Variants in AHR observed in about 807,000 individuals in gnomAD.
AHR encodes AH-receptor.
AHR carries 40 observed loss-of-function variants against 86.8 expected under a neutral mutation model. That is an observed-to-expected ratio of 0.46 (90% CI 0.36 to 0.60). The LOEUF (loss-of-function observed/expected upper bound fraction) is 0.60. Among genes scored for constraint, AHR ranks in the 20% least tolerant of loss-of-function variants. The pLI is 0.00. For missense variants in AHR, 1,001 were observed against 1,011.6 expected (o/e 0.99, Z 0.14); for synonymous variants, 398 against 354.9 (o/e 1.12, Z -1.37).
At chr7:17,325,921 C>A (rs1164568864) in intron 3 of AHR, among the ~76,000 whole-genome samples, 1 of 152,124 alleles carries the variant, frequency 6.6e-6, no homozygotes, top group Admixed American at 6.6e-5. Context: ...ATGTAACAAA[C>A]CTGCACTTGT....
rs1330303234 is a variant in AHR at position 17,342,916 on chromosome 7, T to G, written c.2404-5T>G. 1 of 1,610,946 alleles carries G rather than the reference T, an allele frequency of 6.2e-7. No homozygotes were observed. The highest frequency in any genetic ancestry group is 2.2e-5 in the East Asian group (1 of 44,770). ...AATAAGTTGCATCACCATTTTTGTT[T>G]TCAGTTTCAGAATGGAGTTTTAAAT... On this transcript the variant is annotated splice_region_variant and splice_polypyrimidine_tract_variant and intron_variant, in intron 10 of 10. Coordinates refer to ENST00000242057, the MANE Select transcript of AHR (RefSeq NM_001621.5).
At chr7:17,327,722 G>T in intron 3 of AHR, 37 bp from the exon 4 acceptor site, 1 of 1,184,894 alleles carries the variant, frequency 8.4e-7, no homozygotes, top group Admixed American at 1.9e-5. Flanking sequence ...TCAATATTAA[G>T]TCATATTACT....
At position 17,310,126 on chromosome 7, in the gene AHR, A is replaced by G. The variant is rs1414306725; in HGVS notation, c.253+3A>G. On this transcript the variant is annotated splice_donor_region_variant and intron_variant, in intron 2 of 10. Transcript: ENST00000242057. ...GAGAGCCAAGAGCTTCTTTGATGGT[A>G]AGACAGAAGGGTTTAATTTGTCTAC... The G allele has an allele frequency of 6.2e-7, 1 of 1,612,076 alleles. No homozygotes were observed. Among genetic ancestry groups the G allele is most frequent in the South Asian group, 1.1e-5 (1 of 90,990 alleles).
At chr7:17,320,638 G>C (rs1289471458) in intron 2 of AHR, among the ~76,000 whole-genome samples, 1 of 152,020 alleles carries the variant, frequency 6.6e-6, no homozygotes, top group Admixed American at 6.6e-5. Context: ...TGACTCTGAC[G>C]TTGTATGGTT....
intron 6 of AHR, 122 bp downstream of exon 6, chr7:17,331,008 A>T (rs1782282881): frequency 1.7e-5 from 18 of 1,062,530 alleles, no homozygotes; most frequent in Non-Finnish European, 2.3e-5. Flanking sequence ...AACCCTCAGA[A>T]CCAGAGAGCT....
intron 1 of AHR, among the ~76,000 whole-genome samples, chr7:17,303,078 A>G (rs1050537747): frequency 6.6e-6 from 1 of 152,058 alleles, no homozygotes; most frequent in African/African-American, 2.4e-5. Context: ...TTACAACAGT[A>G]CCTTTCTACT....
At chr7:17,334,783 A>G (rs1782337504) in intron 7 of AHR, 104 bp from the exon 8 acceptor site, 2 of 739,124 alleles carry the variant, frequency 2.7e-6, no homozygotes, top group East Asian at 5.4e-5. Context: ...TGTGAACTAA[A>G]ACATATTGCA....
intron 2 of AHR, among the ~76,000 whole-genome samples, chr7:17,318,664 T>A (rs1782139966): frequency 6.6e-6 from 1 of 152,050 alleles, no homozygotes; most frequent in Non-Finnish European, 1.5e-5. Flanking sequence ...GATACTACAT[T>A]TTGTTTCTGT....
At position 17,298,938 on chromosome 7, in the gene AHR, G is replaced by A. The variant is rs892267585; in HGVS notation, c.-327G>A. On this transcript the variant is annotated 5_prime_UTR_variant, in exon 1 of 11. Coordinates refer to ENST00000242057, the MANE Select transcript of AHR (RefSeq NM_001621.5). ...GACGGCCCAGGCTCCTCCTCCGCCC[G>A]GGCCGCCTCACCTGCGGGCATTGCC... The A allele has an allele frequency of 4.6e-6, 2 of 431,338 alleles. No individual in the cohort carries two copies. Among genetic ancestry groups the A allele is most frequent in the Non-Finnish European group, 8.1e-6 (2 of 247,318 alleles). 26.7% of individuals were successfully genotyped at this position (431,338 alleles called of 1,614,324 possible). A position where few individuals can be genotyped will look rare whatever the true frequency, so the allele number is the denominator to read the frequency against.
chr7:17,299,070 G>C lies in AHR; in HGVS notation c.-195G>C. Reference sequence around the variant, plus strand: ...GCCCAGGCAGCTCACCTGTACTGGCGCGGGCTGCGGAAGCCTGCGTGAGCC... The same window carrying C: ...GCCCAGGCAGCTCACCTGTACTGGCCCGGGCTGCGGAAGCCTGCGTGAGCC... On this transcript the variant is annotated 5_prime_UTR_variant, in exon 1 of 11. Coordinates refer to ENST00000242057, the MANE Select transcript of AHR (RefSeq NM_001621.5). 1 of 561,546 alleles carries C rather than the reference G, an allele frequency of 1.8e-6. No homozygotes were observed. The highest frequency in any genetic ancestry group is 3.0e-6 in the Non-Finnish European group (1 of 337,850). The allele number at this position is 561,546 out of a possible 1,614,324, so 34.8% of individuals were successfully genotyped here. A position where few individuals can be genotyped will look rare whatever the true frequency, so the allele number is the denominator to read the frequency against.
chr7:17,302,761 A>C (rs1208174228), intron 1 of AHR, among the ~76,000 whole-genome samples: 1 of 151,810 alleles, frequency 6.6e-6, no homozygotes, highest in African/African-American at 2.4e-5. Context: ...AAAGCACGAC[A>C]GTCAGCACCT....
intron 3 of AHR, among the ~76,000 whole-genome samples, chr7:17,323,624 C>T (rs907763578): frequency 5.3e-5 from 8 of 152,092 alleles, no homozygotes; most frequent in African/African-American, 1.9e-4. Flanking sequence ...AAAACTTCAC[C>T]ATTGTTACAA....
In AHR at chr7:17,299,242, G is replaced by A; in HGVS notation, c.-23G>A. The A allele has an allele frequency of 6.2e-7, 1 of 1,608,462 alleles. No homozygotes were observed. The highest frequency in any genetic ancestry group is 2.2e-5 in the East Asian group (1 of 44,488). ...CCCGGCCGCCAGTGCCCGGGGAGTA[G>A]CCGCCGCCGTCGGCTGGGCACCATG... On this transcript the variant is annotated 5_prime_UTR_variant, in exon 1 of 11. Transcript: ENST00000242057.
chr7:17,321,598 C>CACACACACAG (rs1465742744), intron 2 of AHR, among the ~76,000 whole-genome samples: 1 of 149,050 alleles, frequency 6.7e-6, no homozygotes, highest in Non-Finnish European at 1.5e-5. Context: ...CACACATACA[C>CACACACACAG]ACACACACAC....
chr7:17,327,077 A>G (rs1327830134), intron 3 of AHR, among the ~76,000 whole-genome samples: 1 of 152,104 alleles, frequency 6.6e-6, no homozygotes, highest in African/African-American at 2.4e-5. Context: ...TAATGGACCC[A>G]AAGTAGGCAA....
rs114489761 is a variant in AHR at position 17,339,813 on chromosome 7, A to G, written c.1988A>G (p.Asn663Ser). 1.4e-4 allele frequency: 223 copies of G among 1,614,204 alleles called. No homozygotes were observed. The African/African-American group carries it at 2.0e-3, about 14-fold the overall frequency. Residue 663 changes from asparagine to serine, a missense_variant, in exon 10 of 11, where the codon AAT becomes AGT. Coordinates refer to ENST00000242057, the MANE Select transcript of AHR (RefSeq NM_001621.5). Reference sequence around the variant, plus strand: ...AACTCTAACCAATTCGTGCCTTTCAATTGTCCACAGCAAGACCCACAACAA... The same window carrying G: ...AACTCTAACCAATTCGTGCCTTTCAGTTGTCCACAGCAAGACCCACAACAA... ...NWNSNQFVPFNCPQQDPQQYN... is the reference protein window; with the variant it reads ...NWNSNQFVPFSCPQQDPQQYN...
chr7:17,322,991 G>A (rs1054981220), intron 3 of AHR, among the ~76,000 whole-genome samples: 6 of 152,032 alleles, frequency 3.9e-5, no homozygotes, highest in African/African-American at 1.4e-4. Flanking sequence ...TAGCGTAAGT[G>A]TATGGTAGAC....
chr7:17,330,801 A>G lies in AHR; in HGVS notation c.620A>G (p.Gln207Arg). Residue 207 changes from glutamine to arginine, a missense_variant, in exon 6 of 11, where the codon CAG becomes CGG. Transcript: ENST00000242057. Reference sequence around the variant, plus strand: ...ACAGTAGTCTGTTATAACCCAGACCAGATTCCTCCAGAAAACTCTCCTTTA... The same window carrying G: ...ACAGTAGTCTGTTATAACCCAGACCGGATTCCTCCAGAAAACTCTCCTTTA... ...PQTVVCYNPD[Q>R]IPPENSPLME... is the part of the protein sequence containing the mutation. The G allele has an allele frequency of 1.2e-6, 2 of 1,612,464 alleles. No homozygotes were observed. The highest frequency in any genetic ancestry group is 1.7e-6 in the Non-Finnish European group (2 of 1,178,842).
chr7:17,339,679 T>A lies in AHR; in HGVS notation c.1854T>A (p.His618Gln). The A allele has an allele frequency of 6.2e-7, 1 of 1,613,984 alleles. No homozygotes were observed. The highest frequency in any genetic ancestry group is 8.5e-7 in the Non-Finnish European group (1 of 1,180,004). ...NSSCMVQEHL[H>Q]LEQQQQHHQK... ...GCTGTATGGTACAGGAACACCTACA[T>A]CTAGAACAGCAACAGCAACATCACC... Residue 618 changes from histidine to glutamine, a missense_variant, in exon 10 of 11, where the codon CAT becomes CAA. Coordinates refer to ENST00000242057, the MANE Select transcript of AHR (RefSeq NM_001621.5).
Sources: gnomAD v4.1 joint callset for allele counts (sites outside exome capture counted in the v4.1 genomes callset) on GRCh38, gnomAD v4.1.1 for gene constraint, MANE v1.5 for transcripts, NCBI Gene and HGNC (gene_info 2026-07-23, HGNC 2026-07-21) for gene names.